Variants in PTPRN2 observed in about 807,000 individuals in gnomAD.
The protein encoded by PTPRN2 is protein tyrosine phosphatase receptor type N2.
A neutral mutation model predicts 118.8 loss-of-function variants in PTPRN2; 74 were observed. That is an observed-to-expected ratio of 0.62 (90% CI 0.52 to 0.76). The LOEUF (loss-of-function observed/expected upper bound fraction) is 0.76. Ranked by LOEUF, PTPRN2 falls within the 30% of genes least tolerant of loss-of-function variation. PTPRN2 has a pLI of 0.00. For missense variants in PTPRN2, 1,481 were observed against 1,394.4 expected, an observed-to-expected ratio of 1.06 and a Z score of -0.99; for synonymous variants, 641 against 608.0, an observed-to-expected ratio of 1.05 and a Z score of -0.80.
Position 158,316,746 on chromosome 7 carries a change from C to T in PTPRN2, c.277+73G>A. 1.2e-5 allele frequency: 14 copies of T among 1,150,062 alleles called. No individual in the cohort carries two copies. In the South Asian group the frequency reaches 2.1e-4, roughly 17 times the overall value. The allele number at this position is 1,150,062 out of a possible 1,614,324, so 71.2% of individuals were successfully genotyped here. ...TCAGTCCGTCCCAGCTCCTCACCGC[C>T]CAGGAGGAGAAGCCAAGCCCGTGCG... On this transcript the variant is annotated intron_variant, in intron 3 of 22. Coordinates refer to ENST00000389418, the MANE Select transcript of PTPRN2 (RefSeq NM_002847.5).
intron 14 of PTPRN2, among the ~76,000 whole-genome samples, chr7:157,638,769 T>C (rs1017654114): frequency 1.3e-5 from 2 of 152,138 alleles, no homozygotes; most frequent in Non-Finnish European, 2.9e-5. Flanking sequence ...TTCTCATCTG[T>C]CCCTCCCTGC....
At position 158,407,396 on chromosome 7, in the gene PTPRN2, GGTCCTGC is replaced by G. The variant is rs1185711459; in HGVS notation, c.163+82332_163+82338del. Among the ~76,000 whole-genome samples the G allele has an allele frequency of 3.0e-3, 37 of 12,336 alleles. 3 individuals carry two copies. Among genetic ancestry groups the G allele is most frequent in the African/African-American group, 5.4e-3 (17 of 3,130 alleles). The allele number at this position is 12,336 out of a possible 152,430, so 8.1% of individuals were successfully genotyped here. ...CCTGGGTCCTGGGTCCTGCGTCCTGGGTCCTGCGTCCTGGGTCCTGGGTCCTGGGTCC... is the reference window on the plus strand; with the variant it reads ...CCTGGGTCCTGGGTCCTGCGTCCTGGGTCCTGGGTCCTGGGTCCTGGGTCC... On this transcript the variant is annotated intron_variant, in intron 2 of 22. Transcript: ENST00000389418.
At chr7:158,031,514 T>C (rs986321567) in intron 11 of PTPRN2, among the ~76,000 whole-genome samples, 3 of 152,208 alleles carry the variant, frequency 2.0e-5, no homozygotes, top group African/African-American at 7.2e-5. Context: ...GTGAGAGATT[T>C]AGAAAGCCCT....
At chr7:158,268,352 C>T (rs1447605184) in intron 3 of PTPRN2, among the ~76,000 whole-genome samples, 3 of 149,484 alleles carry the variant, frequency 2.0e-5, no homozygotes, top group Non-Finnish European at 4.4e-5. Context: ...TGAAATATCC[C>T]AGCTGCACGC....
chr7:158,370,881 G>A lies in PTPRN2; in HGVS notation c.164-53949C>T, dbSNP rs559645954. On this transcript the variant is annotated intron_variant, in intron 2 of 22. Coordinates refer to ENST00000389418, the MANE Select transcript of PTPRN2 (RefSeq NM_002847.5). ...AAAGATGCTCATCTGAAGATTCAGA[G>A]TTTACTAAATACCACACAAAATTAA... Among the ~76,000 whole-genome samples, 95 of 152,322 alleles carry A rather than the reference G, an allele frequency of 6.2e-4. 1 individual carries two copies. Among genetic ancestry groups the A allele is most frequent in the African/African-American group, 1.2e-3 (48 of 41,574 alleles).
At chr7:157,782,997 T>C (rs1448103802) in intron 12 of PTPRN2, among the ~76,000 whole-genome samples, 1 of 152,194 alleles carries the variant, frequency 6.6e-6, no homozygotes, top group African/African-American at 2.4e-5. Flanking sequence ...GGTAATTGCA[T>C]CACAGGGGTG....
In PTPRN2 at chr7:158,071,025, GAGGTGCTCTTAGTA is replaced by G. The variant is rs1475457270; in HGVS notation, c.1723+10259_1723+10272del. Among the ~76,000 whole-genome samples, 144 of 85,404 alleles carry G rather than the reference GAGGTGCTCTTAGTA, an allele frequency of 1.7e-3. 4 individuals are homozygous for G. The highest frequency in any genetic ancestry group is 2.1e-3 in the Admixed American group (19 of 8,926). 56.0% of individuals were successfully genotyped at this position (85,404 alleles called of 152,430 possible). On this transcript the variant is annotated intron_variant, in intron 11 of 22. Transcript: ENST00000389418. Reference sequence around the variant, plus strand: ...CATGGTGGTGGAGGTGCTCGTGGTGGAGGTGCTCTTAGTATGGAGGTGCTCATGGTGGTGGAGGT... The same window carrying G: ...CATGGTGGTGGAGGTGCTCGTGGTGGTGGAGGTGCTCATGGTGGTGGAGGT...
intron 11 of PTPRN2, among the ~76,000 whole-genome samples, chr7:158,068,180 G>A (rs1412911443): frequency 6.6e-6 from 1 of 152,232 alleles, no homozygotes; most frequent in Non-Finnish European, 1.5e-5. Flanking sequence ...GCAGGCCAGA[G>A]CGTGGGGACT....
intron 11 of PTPRN2, among the ~76,000 whole-genome samples, chr7:158,052,640 G>A (rs1809423026): frequency 6.6e-6 from 1 of 151,822 alleles, no homozygotes; most frequent in African/African-American, 2.4e-5. Context: ...GGGCCATGGA[G>A]GGGTGCCCTT....
At position 157,724,003 on chromosome 7, in the gene PTPRN2, G is replaced by A. The variant is rs189390650; in HGVS notation, c.1789-41066C>T. On this transcript the variant is annotated intron_variant, in intron 12 of 22. Transcript: ENST00000389418. Reference sequence around the variant, plus strand: ...AATTTAGGCTTCCCCCGTCTGAATCGCGCTGGTGTATCTGGAATTTAGGCT... The same window carrying A: ...AATTTAGGCTTCCCCCGTCTGAATCACGCTGGTGTATCTGGAATTTAGGCT... 1.8e-4 allele frequency among the ~76,000 whole-genome samples: 27 copies of A among 152,250 alleles called. No individual in the cohort carries two copies. In the East Asian group the frequency reaches 3.5e-3, roughly 20 times the overall value.
chr7:158,587,455 G>C, intron 1 of PTPRN2, 103 bp downstream of exon 1: 1 of 275,070 alleles, frequency 3.6e-6, no homozygotes, highest in Non-Finnish European at 4.1e-6. Flanking sequence ...CGACCCCTCA[G>C]GGTGGCGCCT....
At chr7:158,475,343 C>T (rs1199387951) in intron 2 of PTPRN2, among the ~76,000 whole-genome samples, 2 of 152,206 alleles carry the variant, frequency 1.3e-5, no homozygotes, top group African/African-American at 2.4e-5. Context: ...CTTCCTCCTG[C>T]GAGTGGGAAC....
At chr7:158,394,601 A>C (rs1301673878) in intron 2 of PTPRN2, among the ~76,000 whole-genome samples, 2 of 152,230 alleles carry the variant, frequency 1.3e-5, no homozygotes. Flanking sequence ...CTGCTCGTCC[A>C]TCCCCCCAGG....
Position 157,674,901 on chromosome 7 carries a change from C to T in PTPRN2, c.2001+7824G>A, listed in dbSNP as rs943244825. Among the ~76,000 whole-genome samples the T allele has an allele frequency of 1.3e-5, 2 of 152,154 alleles. No individual in the cohort carries two copies. Among genetic ancestry groups the T allele is most frequent in the Non-Finnish European group, 2.9e-5 (2 of 68,014 alleles). ...CCAGGAGCTACCCGAGGCTTCTTCT[C>T]CTTGCCAACAACGATGCCCTCCTCC... is the stretch of plus-strand genomic sequence containing the variant. On this transcript the variant is annotated intron_variant, in intron 13 of 22. Transcript: ENST00000389418. The surrounding 1 kb of genome is among the most constrained non-coding windows in gnomAD (Gnocchi z 4.5).
chr7:157,647,059 C>T (rs1805152098), intron 14 of PTPRN2, among the ~76,000 whole-genome samples: 1 of 148,478 alleles, frequency 6.7e-6, no homozygotes, highest in Non-Finnish European at 1.5e-5. Context: ...GTGCACTGAA[C>T]TCGGTGGGTC....
At chr7:158,455,782 C>T (rs1192557505) in intron 2 of PTPRN2, among the ~76,000 whole-genome samples, 1 of 149,418 alleles carries the variant, frequency 6.7e-6, no homozygotes, top group Admixed American at 6.6e-5. Context: ...TCGGCCATGG[C>T]CACCCATTAC....
chr7:157,663,567 C>G (rs1795999318), intron 13 of PTPRN2, among the ~76,000 whole-genome samples: 2 of 152,222 alleles, frequency 1.3e-5, no homozygotes, highest in South Asian at 4.1e-4. Flanking sequence ...CCTGCCCCTG[C>G]CAGCGTCCCT....
intron 11 of PTPRN2, among the ~76,000 whole-genome samples, chr7:158,025,467 G>T (rs1376965309): frequency 6.6e-6 from 1 of 152,194 alleles, no homozygotes; most frequent in African/African-American, 2.4e-5. Flanking sequence ...TTTAGAGGCT[G>T]AATTGTGTGG....
At chr7:157,924,671 G>A (rs1305464419) in intron 11 of PTPRN2, among the ~76,000 whole-genome samples, 1 of 152,254 alleles carries the variant, frequency 6.6e-6, no homozygotes, top group African/African-American at 2.4e-5. Context: ...CGCTGCAGGT[G>A]GATTAAAGAC....
Sources: gnomAD v4.1 joint callset for allele counts (sites outside exome capture counted in the v4.1 genomes callset) on GRCh38, gnomAD v4.1.1 for gene constraint, Gnocchi (gnomAD v3.1) non-coding constraint, MANE v1.5 for transcripts, NCBI Gene and HGNC (gene_info 2026-07-23, HGNC 2026-07-21) for gene names.